The following EML5 variants were observed in gnomAD, a reference collection of about 807,000 sequenced individuals.
EML5 encodes the protein EMAP like 5.
A neutral mutation model predicts 250.0 loss-of-function variants in EML5; 120 were observed. The ratio of observed to expected loss-of-function variants is 0.48; its 90% confidence interval spans 0.41 to 0.56. EML5 has a LOEUF of 0.56. Ranked by LOEUF, EML5 falls within the 20% of genes least tolerant of loss-of-function variation. The pLI is 0.00. For synonymous variants in EML5, 771 were observed against 806.5 expected, an observed-to-expected ratio of 0.96 and a Z score of 0.75; for missense variants, 2,006 against 2,437.6, an observed-to-expected ratio of 0.82 and a Z score of 3.73.
At chr14:88,633,370 C>T (rs2090544582) in intron 33 of EML5, among the ~76,000 whole-genome samples, 1 of 151,598 alleles carries the variant, frequency 6.6e-6, no homozygotes, top group Admixed American at 6.6e-5. Flanking sequence ...CCTGTCTCAG[C>T]CTCCCAGAGT....
intron 2 of EML5, among the ~76,000 whole-genome samples, chr14:88,753,021 G>C (rs1566752590): frequency 6.6e-6 from 1 of 152,138 alleles, no homozygotes; most frequent in East Asian, 1.9e-4. Flanking sequence ...GACAATCCAG[G>C]ATGCACTGGG....
intron 27 of EML5, among the ~76,000 whole-genome samples, chr14:88,654,852 T>C (rs1595388391): frequency 6.6e-6 from 1 of 152,188 alleles, no homozygotes; most frequent in Admixed American, 6.5e-5. Context: ...TTCTGTCTCG[T>C]TGATCTAATA....
chr14:88,791,815 T>A (rs2094610827), intron 1 of EML5, among the ~76,000 whole-genome samples: 1 of 152,158 alleles, frequency 6.6e-6, no homozygotes, highest in South Asian at 2.1e-4. Context: ...AACTAATAAT[T>A]ACGGCCAGGA....
At chr14:88,630,023 A>ATTT (rs58382081) in intron 33 of EML5, among the ~76,000 whole-genome samples, 86 of 84,222 alleles carry the variant, frequency 1.0e-3, no homozygotes, top group African/African-American at 1.7e-3. Flanking sequence ...TAAAAACTGT[A>ATTT]TTTTTTTTTT....
intron 7 of EML5, among the ~76,000 whole-genome samples, chr14:88,729,569 T>TG (rs549826060): frequency 0.013 from 1,919 of 150,310 alleles, 44 homozygotes; most frequent in African/African-American, 0.044. Flanking sequence ...TTTTTTGTTT[T>TG]TTGTTTTTTT....
At chr14:88,683,425 T>G (rs1235174033) in intron 20 of EML5, among the ~76,000 whole-genome samples, 2 of 152,218 alleles carry the variant, frequency 1.3e-5, no homozygotes, top group Non-Finnish European at 2.9e-5. Flanking sequence ...TAAAGGAGTT[T>G]AACAGTTGGG....
Position 88,746,287 on chromosome 14 carries a change from A to G in EML5, c.358-4T>C. The G allele has an allele frequency of 2.5e-6, 4 of 1,611,930 alleles. No individual in the cohort carries two copies. The highest frequency in any genetic ancestry group is 3.4e-6 in the Non-Finnish European group (4 of 1,178,992). On this transcript the variant is annotated splice_region_variant and splice_polypyrimidine_tract_variant and intron_variant, in intron 2 of 43. Coordinates refer to ENST00000554922, the MANE Select transcript of EML5 (RefSeq NM_183387.3). ...CAAGTCCAACTGAAACCAAGCGCTG[A>G]TTTATGTCCAAGAAGTCCAGGAAGG...
At position 88,746,296 on chromosome 14, in the gene EML5, CA is replaced by C; in HGVS notation, c.358-14del. On this transcript the variant is annotated splice_polypyrimidine_tract_variant and intron_variant, in intron 2 of 43. Coordinates refer to ENST00000554922, the MANE Select transcript of EML5 (RefSeq NM_183387.3). Reference sequence around the variant, plus strand: ...CTGAAACCAAGCGCTGATTTATGTCCAAGAAGTCCAGGAAGGAATAAAAAGG... The same window carrying C: ...CTGAAACCAAGCGCTGATTTATGTCCAGAAGTCCAGGAAGGAATAAAAAGG... 6.2e-7 allele frequency: 1 copy of C among 1,609,062 alleles called. No individual in the cohort carries two copies. Among genetic ancestry groups the C allele is most frequent in the Non-Finnish European group, 8.5e-7 (1 of 1,177,074 alleles).
At chr14:88,687,167 C>A in intron 19 of EML5, 49 bp downstream of exon 19, 2 of 1,352,162 alleles carry the variant, frequency 1.5e-6, no homozygotes, top group Non-Finnish European at 2.1e-6. Flanking sequence ...CATTAATGAG[C>A]AATTAATCTT....
At chr14:88,684,713 T>A (rs1211638911) in intron 20 of EML5, among the ~76,000 whole-genome samples, 1 of 152,002 alleles carries the variant, frequency 6.6e-6, no homozygotes, top group Admixed American at 6.6e-5. Flanking sequence ...TTACTCAAAA[T>A]ATTGGCAATT....
intron 7 of EML5, 44 bp from the exon 8 acceptor site, chr14:88,726,722 T>C: frequency 9.4e-6 from 13 of 1,388,622 alleles, no homozygotes; most frequent in Non-Finnish European, 1.3e-5. Context: ...AGCTAATGCA[T>C]ACTTTAGTAA....
chr14:88,622,993 A>C, intron 36 of EML5: 1 of 276,312 alleles, frequency 3.6e-6, no homozygotes, highest in Non-Finnish European at 6.7e-6. Flanking sequence ...AATACATTAC[A>C]ATACATTATC....
chr14:88,647,850 T>G (rs1388982061), intron 28 of EML5, among the ~76,000 whole-genome samples: 1 of 152,148 alleles, frequency 6.6e-6, no homozygotes, highest in Non-Finnish European at 1.5e-5. Context: ...AATCTGAATT[T>G]TAAACAAAAC....
At chr14:88,634,703 GTTTTC>G (rs1305819025) in intron 32 of EML5, among the ~76,000 whole-genome samples, 1 of 151,862 alleles carries the variant, frequency 6.6e-6, no homozygotes, top group Non-Finnish European at 1.5e-5. Context: ...TAAAAATTTT[GTTTTC>G]TTTGCATTTA....
At chr14:88,616,620 A>T in intron 42 of EML5, 106 bp downstream of exon 42, 1 of 1,205,084 alleles carries the variant, frequency 8.3e-7, no homozygotes, top group African/African-American at 1.5e-5. Context: ...TTGGGGAAAA[A>T]TTTAGAAATT....
At chr14:88,687,128 G>C in intron 19 of EML5, 88 bp downstream of exon 19, 1 of 969,382 alleles carries the variant, frequency 1.0e-6, no homozygotes, top group Non-Finnish European at 1.6e-6. Flanking sequence ...AAAAATACAT[G>C]CCATGTGTTC....
At chr14:88,768,862 T>C (rs1370657740) in intron 1 of EML5, among the ~76,000 whole-genome samples, 3 of 152,178 alleles carry the variant, frequency 2.0e-5, no homozygotes, top group Non-Finnish European at 4.4e-5. Flanking sequence ...GTTAGCAAAC[T>C]TTTTCTGGAA....
intron 4 of EML5, among the ~76,000 whole-genome samples, chr14:88,742,131 G>C (rs995492670): frequency 1.3e-5 from 2 of 152,100 alleles, no homozygotes; most frequent in African/African-American, 4.8e-5. Flanking sequence ...AACTGAGACA[G>C]AATCTCTGAA....
chr14:88,658,407 C>T lies in EML5; in HGVS notation c.3676-19G>A. Reference sequence around the variant, plus strand: ...ATTTCCCCTAAAGAGGAAGAAAATTCAAACAATCTTTCTGAGAAATTTCAT... The same window carrying T: ...ATTTCCCCTAAAGAGGAAGAAAATTTAAACAATCTTTCTGAGAAATTTCAT... On this transcript the variant is annotated intron_variant, in intron 25 of 43. Coordinates refer to ENST00000554922, the MANE Select transcript of EML5 (RefSeq NM_183387.3). 1.3e-6 allele frequency: 2 copies of T among 1,548,330 alleles called. No individual in the cohort carries two copies. Among genetic ancestry groups the T allele is most frequent in the Non-Finnish European group, 1.8e-6 (2 of 1,138,144 alleles).
Sources: gnomAD v4.1 joint callset for allele counts (sites outside exome capture counted in the v4.1 genomes callset) on GRCh38, gnomAD v4.1.1 for gene constraint, MANE v1.5 for transcripts, NCBI Gene and HGNC (gene_info 2026-07-23, HGNC 2026-07-21) for gene names.